Variants in RPTOR observed in about 807,000 individuals in gnomAD.
The protein encoded by RPTOR is regulatory associated protein of MTOR complex 1.
In RPTOR, 21 loss-of-function variants were observed where a neutral mutation model predicts 169.9. The observed-to-expected ratio is 0.12, with a 90% CI of 0.09 to 0.18. The LOEUF is 0.18. RPTOR is among the 10% of genes least tolerant of loss of function. The probability of loss-of-function intolerance (pLI) is 1.00; values close to 1 mark genes in which losing one functional copy is unlikely to be tolerated. For missense variants in RPTOR, 1,133 were observed against 1,855.9 expected (o/e 0.61, Z 7.16); for synonymous variants, 732 against 753.2 (o/e 0.97, Z 0.46).
chr17:80,711,744 C>CTTTTTGTTTTTTTTTTTTTTTT (rs2066193184), intron 4 of RPTOR, among the ~76,000 whole-genome samples: 1 of 88,852 alleles, frequency 1.1e-5, no homozygotes, highest in Non-Finnish European at 2.0e-5. Context: ...ATACATCAGT[C>CTTTTTGTTTTTTTTTTTTTTTT]TTTTTTTTTT....
At chr17:80,553,749 T>C (rs201118520) in intron 1 of RPTOR, among the ~76,000 whole-genome samples, 47 of 89,400 alleles carry the variant, frequency 5.3e-4, no homozygotes, top group South Asian at 1.8e-3. Flanking sequence ...TGTTTTTTTT[T>C]CTTTTTTTTT....
chr17:80,824,743 C>A (rs1426231519), intron 9 of RPTOR, among the ~76,000 whole-genome samples: 1 of 152,228 alleles, frequency 6.6e-6, no homozygotes, highest in Non-Finnish European at 1.5e-5. Context: ...GGAATCAGTC[C>A]ATGGAAACCT....
chr17:80,599,387 A>G (rs2065169429), intron 1 of RPTOR, among the ~76,000 whole-genome samples: 2 of 152,180 alleles, frequency 1.3e-5, no homozygotes, highest in Non-Finnish European at 2.9e-5. Flanking sequence ...GCATAATGAA[A>G]TGATTGTTTT....
Position 80,674,580 on chromosome 17 carries a change from C to T in RPTOR, c.348+30770C>T, listed in dbSNP as rs189336308. Among the ~76,000 whole-genome samples, 869 of 152,210 alleles carry T rather than the reference C, an allele frequency of 5.7e-3. 7 individuals carry two copies. The highest frequency in any genetic ancestry group is 8.7e-3 in the Non-Finnish European group (590 of 67,998). Reference sequence around the variant, plus strand: ...TTCTACCTGAGCTTAGCTAAAATCTCGCCACCACGCCCAGAAGAGAATGCA... The same window carrying T: ...TTCTACCTGAGCTTAGCTAAAATCTTGCCACCACGCCCAGAAGAGAATGCA... On this transcript the variant is annotated intron_variant, in intron 3 of 33. Coordinates refer to ENST00000306801, the MANE Select transcript of RPTOR (RefSeq NM_020761.3).
At chr17:80,663,078 T>G (rs1180545954) in intron 3 of RPTOR, among the ~76,000 whole-genome samples, 1 of 152,208 alleles carries the variant, frequency 6.6e-6, no homozygotes, top group African/African-American at 2.4e-5. Context: ...TGATGTATTC[T>G]TTTGCTCTTG....
intron 6 of RPTOR, chr17:80,773,960 G>A: frequency 1.8e-5 from 18 of 985,468 alleles, no homozygotes; most frequent in Non-Finnish European, 2.2e-5. Flanking sequence ...CTATGGTGCT[G>A]AATCCTGACA....
At chr17:80,850,897 G>A (rs1169209606) in intron 11 of RPTOR, among the ~76,000 whole-genome samples, 1 of 152,224 alleles carries the variant, frequency 6.6e-6, no homozygotes, top group Non-Finnish European at 1.5e-5. Flanking sequence ...CAGTATGCCT[G>A]TCTGAGCACT....
intron 6 of RPTOR, among the ~76,000 whole-genome samples, chr17:80,755,071 G>T (rs1204350317): frequency 1.3e-5 from 2 of 152,164 alleles, no homozygotes; most frequent in African/African-American, 2.4e-5. Context: ...CCTGGGAGGG[G>T]CCAGAGGGGC....
intron 7 of RPTOR, chr17:80,801,994 C>T (rs2067163864): frequency 6.6e-6 from 1 of 152,274 alleles, no homozygotes; most frequent in Non-Finnish European, 1.5e-5. Flanking sequence ...GGAAGACGGG[C>T]ACCGGGTCCC....
intron 3 of RPTOR, among the ~76,000 whole-genome samples, chr17:80,648,584 T>C (rs2065614598): frequency 6.6e-6 from 1 of 152,102 alleles, no homozygotes; most frequent in South Asian, 2.1e-4. Context: ...TGGGGAGCAC[T>C]GCATGGATGG....
At chr17:80,906,911 A>G (rs2068550399) in intron 20 of RPTOR, among the ~76,000 whole-genome samples, 1 of 152,000 alleles carries the variant, frequency 6.6e-6, no homozygotes. Flanking sequence ...CTCTGCACTC[A>G]CGGTGGGGGC....
intron 5 of RPTOR, among the ~76,000 whole-genome samples, chr17:80,748,718 T>G (rs1598278810): frequency 1.4e-5 from 1 of 69,192 alleles, no homozygotes; most frequent in Non-Finnish European, 2.8e-5. Flanking sequence ...GTTGGGTGGA[T>G]GGAGGGGCTG....
intron 21 of RPTOR, among the ~76,000 whole-genome samples, chr17:80,918,336 G>T (rs904730723): frequency 2.1e-4 from 32 of 152,322 alleles, no homozygotes; most frequent in Admixed American, 2.1e-3. Flanking sequence ...CCAGGCTCTG[G>T]GGTGGCGGCC....
intron 13 of RPTOR, among the ~76,000 whole-genome samples, chr17:80,879,062 C>T (rs1171286559): frequency 1.3e-5 from 2 of 152,112 alleles, no homozygotes; most frequent in Admixed American, 1.3e-4. Flanking sequence ...TGGCTTGGGT[C>T]AGGTTCTGCG....
In RPTOR at chr17:80,709,473, G is replaced by A. The variant is rs148257338; in HGVS notation, c.507+1474G>A. On this transcript the variant is annotated intron_variant, in intron 4 of 33. Coordinates refer to ENST00000306801, the MANE Select transcript of RPTOR (RefSeq NM_020761.3). ...GCTGATACGCTGGGCGGACGCTGGC[G>A]CGCTCTTCCGCAGTGCGCTTTGCTC... Among the ~76,000 whole-genome samples, 7 of 152,308 alleles carry A rather than the reference G, an allele frequency of 4.6e-5. No homozygotes were observed. In the East Asian group the frequency reaches 7.7e-4, roughly 17 times the overall value.
At chr17:80,661,143 G>A (rs1174828114) in intron 3 of RPTOR, among the ~76,000 whole-genome samples, 1 of 152,220 alleles carries the variant, frequency 6.6e-6, no homozygotes, top group Non-Finnish European at 1.5e-5. Context: ...GACCAGGATT[G>A]GAAGTGGCAG....
chr17:80,689,384 C>G lies in RPTOR; in HGVS notation c.349-18457C>G, dbSNP rs547468167. Among the ~76,000 whole-genome samples, 14 of 152,342 alleles carry G rather than the reference C, an allele frequency of 9.2e-5. No homozygotes were observed. In the East Asian group the frequency reaches 2.7e-3, roughly 29 times the overall value. ...GCAGGGGCGGAGGACGCCACCTGCT[C>G]CCTGACATCCGTCTTTCCGAAGCCA... On this transcript the variant is annotated intron_variant, in intron 3 of 33. Coordinates refer to ENST00000306801, the MANE Select transcript of RPTOR (RefSeq NM_020761.3).
intron 7 of RPTOR, among the ~76,000 whole-genome samples, chr17:80,807,843 G>C (rs181966939): frequency 2.0e-5 from 3 of 152,234 alleles, no homozygotes; most frequent in Admixed American, 2.0e-4. Context: ...GGCCATGTAA[G>C]GTCTCTGTCT....
At chr17:80,801,332 A>C (rs1380846218) in intron 7 of RPTOR, among the ~76,000 whole-genome samples, 4 of 152,102 alleles carry the variant, frequency 2.6e-5, no homozygotes, top group Non-Finnish European at 4.4e-5. Context: ...CTACCTTTTA[A>C]AAGATGGGGA....
Sources: allele counts gnomAD v4.1 joint callset (sites outside exome capture counted in the v4.1 genomes callset), GRCh38; gene constraint gnomAD v4.1.1; transcripts MANE v1.5; gene names NCBI Gene and HGNC (gene_info 2026-07-23, HGNC 2026-07-21).